The following GRK1 variants were observed in gnomAD, a reference collection of about 807,000 sequenced individuals.
The protein encoded by GRK1 is G protein-coupled receptor kinase 1, also known as rhodopsin kinase GRK1.
GRK1 carries 28 observed loss-of-function variants against 41.7 expected under a neutral mutation model. The ratio of observed to expected loss-of-function variants is 0.67; its 90% CI spans 0.50 to 0.92. GRK1 has a LOEUF of 0.92. Ranked by LOEUF, GRK1 falls within the 40% of genes least tolerant of loss-of-function variation. The pLI is 0.00. For synonymous variants in GRK1, 327 were observed against 286.7 expected (o/e 1.14, Z -1.42); for missense variants, 703 against 671.2 (o/e 1.05, Z -0.52).
intron 2 of GRK1, among the ~76,000 whole-genome samples, chr13:113,670,021 C>T (rs547622677): frequency 2.0e-4 from 31 of 152,272 alleles, no homozygotes; most frequent in East Asian, 3.9e-4. Context: ...GCCTGGGAGG[C>T]GCCCAACCTG....
chr13:113,733,130 T>C (rs1437830110), intron 6 of GRK1, 45 bp downstream of exon 6: 1 of 1,503,464 alleles, frequency 6.7e-7, no homozygotes, highest in Non-Finnish European at 8.9e-7. Context: ...GGTTCTGTGC[T>C]GTGTGGCCCT....
intron 4 of GRK1, among the ~76,000 whole-genome samples, chr13:113,730,382 C>T (rs2049928219): frequency 6.6e-6 from 1 of 151,818 alleles, no homozygotes; most frequent in Admixed American, 6.6e-5. Context: ...GTCCCCGCGG[C>T]TGAGCCCAGA....
At chr13:113,733,801 ATCTGTGTGCATACGTGTGTGCG>A (rs1566699985) in intron 6 of GRK1, among the ~76,000 whole-genome samples, 8 of 61,990 alleles carry the variant, frequency 1.3e-4, no homozygotes, top group African/African-American at 4.8e-4. Flanking sequence ...GTGTATGTGT[ATCTGTGTGCATACGTGTGTGCG>A]TGTGTGTGCA....
chr13:113,735,096 CTCCAAAACTGTCTACGCAAAG>C lies in GRK1; in HGVS notation c.1426_1446del (p.Ser476_Lys482del). The C allele has an allele frequency of 3.9e-6, 6 of 1,531,074 alleles. No homozygotes were observed. Among genetic ancestry groups the C allele is most frequent in the Non-Finnish European group, 5.3e-6 (6 of 1,141,926 alleles). 94.8% of individuals were successfully genotyped at this position (1,531,074 alleles called of 1,614,324 possible). ...TGCTGATGCCCCCTTTCATCCCAGA[CTCCAAAACTGTCTACGCAAAG>C]GATATTCAGGACGTGGGTGCCTTTT... On this transcript the variant is annotated inframe_deletion, in exon 7 of 7. Transcript: ENST00000335678.
chr13:113,651,937 C>A, the GRK1 span, among the ~76,000 whole-genome samples: 3 of 152,326 alleles, frequency 2.0e-5, no homozygotes, highest in South Asian at 2.1e-4. Flanking sequence ...GCCCTCCCCC[C>A]ACCCACCCAT....
chr13:113,654,058 A>G, the GRK1 span, among the ~76,000 whole-genome samples: 1 of 152,200 alleles, frequency 6.6e-6, no homozygotes, highest in South Asian at 2.1e-4. Flanking sequence ...TGCGATTGGG[A>G]GCCTCTTTTT....
rs1458303421 is a variant in GRK1 at position 113,729,927 on chromosome 13, C to T, written c.1070-1292C>T. Among the ~76,000 whole-genome samples the T allele has an allele frequency of 7.9e-5, 12 of 151,060 alleles. No homozygotes were observed. In the East Asian group the frequency reaches 2.0e-3, roughly 25 times the overall value. On this transcript the variant is annotated intron_variant, in intron 4 of 6. Transcript: ENST00000335678. ...GCGGCTGCACCCAGACCCATCCCTCCATCCCAAGACAGTCCCCGCGGCTGC... is the reference window on the plus strand; with the variant it reads ...GCGGCTGCACCCAGACCCATCCCTCTATCCCAAGACAGTCCCCGCGGCTGC...
rs761476725 is a variant in GRK1 at position 113,671,638 on chromosome 13, G to C, written c.967G>C (p.Val323Leu). ...CTACCGCGACCTCAAGCCCGAGAAC[G>C]TGCTGCTGGACAATGACGGTAGGAG... The part of the protein sequence containing the change: ...IVYRDLKPEN[V>L]LLDNDGNVRI... The change falls in exon 3 of 7, where the codon GTG (valine) becomes CTG (leucine). Residue 323 changes from valine (V) to leucine (L), a missense_variant. Physicochemically the swap from Val to Leu is conservative, Grantham distance 32 (BLOSUM62 1). Transcript: ENST00000335678. This position sits in a 1 kb window ranked among gnomAD's most constrained non-coding sequence, Gnocchi z 4.1. The C allele has an allele frequency of 2.6e-6, 2 of 766,158 alleles. No individual in the cohort carries two copies. The highest frequency in any genetic ancestry group is 4.8e-6 in the Non-Finnish European group (2 of 416,786). 47.5% of individuals were successfully genotyped at this position (766,158 alleles called of 1,614,324 possible).
At position 113,723,744 on chromosome 13, in the gene GRK1, C is replaced by G. The variant is rs189912588; in HGVS notation, c.1069+587C>G. 4.1e-4 allele frequency among the ~76,000 whole-genome samples: 62 copies of G among 152,070 alleles called. No homozygotes were observed. In the Middle Eastern group the frequency reaches 0.02, roughly 50 times the overall value. ...TGGGTCTCAAGATATTTTCCTTTTACAGTGTGCCTGTGTGCATGCCTGTGT... is the reference window on the plus strand; with the variant it reads ...TGGGTCTCAAGATATTTTCCTTTTAGAGTGTGCCTGTGTGCATGCCTGTGT... On this transcript the variant is annotated intron_variant, in intron 4 of 6. Transcript: ENST00000335678.
chr13:113,663,322 TA>T (rs1165304400), upstream of GRK1, among the ~76,000 whole-genome samples: 5 of 152,370 alleles, frequency 3.3e-5, no homozygotes, highest in East Asian at 5.8e-4. Context: ...TTCAACCTCT[TA>T]AACCTTCTAT....
intron 6 of GRK1, among the ~76,000 whole-genome samples, chr13:113,733,958 A>G (rs1417652602): frequency 3.0e-4 from 34 of 111,658 alleles, no homozygotes; most frequent in African/African-American, 9.3e-4. Context: ...GTGTGTGCAT[A>G]CGTGTGTGTG....
At chr13:113,665,404 GA>G (rs765723736), upstream of GRK1, among the ~76,000 whole-genome samples, 53 of 144,280 alleles carry the variant, frequency 3.7e-4, no homozygotes, top group East Asian at 7.6e-3. Flanking sequence ...AGCTGTCTCA[GA>G]TGTGCCCCAG....
At chr13:113,665,010 C>T (rs1159718580), upstream of GRK1, among the ~76,000 whole-genome samples, 1 of 152,216 alleles carries the variant, frequency 6.6e-6, no homozygotes, top group Non-Finnish European at 1.5e-5. Context: ...CCTCAGGAGA[C>T]CGTGGGGACG....
At position 113,668,031 on chromosome 13, in the gene GRK1, G is replaced by A. The variant is rs1051401995; in HGVS notation, c.645G>A (p.Leu215=). The change falls in exon 1 of 7, where the codon CTG becomes CTA. Residue 215 remains leucine (L), a synonymous_variant. Coordinates refer to ENST00000335678, the MANE Select transcript of GRK1 (RefSeq NM_002929.3). ...GCCAGATGAAGGCGACCGGCAAGCT[G>A]TATGCCTGCAAGAAGCTGAACAAGA... ...SACQMKATGK[L]YACKKLNKKR... 1 of 1,611,626 alleles carries A rather than the reference G, an allele frequency of 6.2e-7. No individual in the cohort carries two copies. Among genetic ancestry groups the A allele is most frequent in the Admixed American group, 1.7e-5 (1 of 59,692 alleles).
intron 5 of GRK1, among the ~76,000 whole-genome samples, chr13:113,732,180 C>T (rs1179440080): frequency 6.6e-6 from 1 of 152,210 alleles, no homozygotes; most frequent in Non-Finnish European, 1.5e-5. Flanking sequence ...CTCAGAGTTG[C>T]ATCAGGCTGC....
At chr13:113,733,172 C>T (rs913167358) in intron 6 of GRK1, 87 bp downstream of exon 6, 14 of 1,364,698 alleles carry the variant, frequency 1.0e-5, no homozygotes, top group East Asian at 7.5e-5. Context: ...CTGTGAGAGT[C>T]GGCAGGGAGG....
In GRK1 at chr13:113,669,870, TTCCAGGGCCCGGGC is replaced by T. The variant is rs1459907226; in HGVS notation, c.827+60_827+73del. ...CCCCGCTGTCCCACTGGGTCAGGGTTTCCAGGGCCCGGGCTCCTTTCCACAGGCAGAGCCATGGT... is the reference window on the plus strand; with the variant it reads ...CCCCGCTGTCCCACTGGGTCAGGGTTTCCTTTCCACAGGCAGAGCCATGGT... On this transcript the variant is annotated intron_variant, in intron 2 of 6. Coordinates refer to ENST00000335678, the MANE Select transcript of GRK1 (RefSeq NM_002929.3). The T allele has an allele frequency of 1.0e-5, 16 of 1,602,640 alleles. No individual in the cohort carries two copies. The East Asian group carries it at 3.4e-4, about 34-fold the overall frequency.
chr13:113,651,614 C>T, the GRK1 span: 9 of 1,513,698 alleles, frequency 5.9e-6, no homozygotes, highest in Admixed American at 4.3e-5. Context: ...TGAACCAGCA[C>T]GACCCTGACA....
rs1427448723 is a variant in GRK1 at position 113,727,419 on chromosome 13, G to A, written c.1070-3800G>A. On this transcript the variant is annotated intron_variant, in intron 4 of 6. Coordinates refer to ENST00000335678, the MANE Select transcript of GRK1 (RefSeq NM_002929.3). ...GCCTGTGGTCTGTGATCTGTGGCCT[G>A]TAGGCTGTGGCCTGTGGACCGTGGG... Among the ~76,000 whole-genome samples the A allele has an allele frequency of 2.6e-5, 4 of 152,060 alleles. No individual in the cohort carries two copies. The South Asian group carries it at 6.2e-4, about 24-fold the overall frequency.
Sources: gnomAD v4.1 joint callset for allele counts (sites outside exome capture counted in the v4.1 genomes callset) on GRCh38, gnomAD v4.1.1 for gene constraint, Gnocchi (gnomAD v3.1) non-coding constraint, MANE v1.5 for transcripts, NCBI Gene and HGNC (gene_info 2026-07-23, HGNC 2026-07-21) for gene names.